FOXN3: variants seen among roughly 807,000 people sequenced by gnomAD.
The protein encoded by FOXN3 is forkhead box protein N3.
Under a neutral mutation model 38.4 loss-of-function variants are expected in FOXN3, and 7 were observed. That is an observed-to-expected ratio of 0.18 (90% CI 0.10 to 0.34). The LOEUF (loss-of-function observed/expected upper bound fraction) is 0.34. Ranked by LOEUF, FOXN3 falls within the 10% of genes least tolerant of loss-of-function variation. The pLI, the probability that FOXN3 is intolerant of heterozygous loss-of-function variation, is 1.00. For missense variants in FOXN3, 456 were observed against 613.4 expected (o/e 0.74, Z 2.71); for synonymous variants, 230 against 242.2 (o/e 0.95, Z 0.47).
chr14:89,489,187 CT>C (rs1474425903), intron 1 of FOXN3, among the ~76,000 whole-genome samples: 3 of 152,180 alleles, frequency 2.0e-5, no homozygotes, highest in Admixed American at 2.0e-4. Context: ...ACTAAACCCC[CT>C]GAACCTCAGT....
chr14:89,217,243 T>G (rs1244876002), intron 4 of FOXN3, among the ~76,000 whole-genome samples: 1 of 152,136 alleles, frequency 6.6e-6, no homozygotes, highest in African/African-American at 2.4e-5. Context: ...CAAGCAATCC[T>G]CCTGTCGCAT....
At chr14:89,450,604 T>C (rs375428710) in intron 1 of FOXN3, among the ~76,000 whole-genome samples, 2 of 144,068 alleles carry the variant, frequency 1.4e-5, no homozygotes, top group Admixed American at 1.4e-4. Flanking sequence ...TTTTTTTTTT[T>C]AGACAGAGTC....
Position 89,449,814 on chromosome 14 carries a change from C to T in FOXN3, c.-14-37324G>A, listed in dbSNP as rs544144306. Among the ~76,000 whole-genome samples the T allele has an allele frequency of 5.3e-5, 8 of 152,258 alleles. No individual in the cohort carries two copies. The East Asian group carries it at 1.5e-3, about 29-fold the overall frequency. ...CCTCCTCAACTGAAGGGGAGTTTTC[C>T]ATCAGGCAGCCTCTAGGAAGGGGGA... On this transcript the variant is annotated intron_variant, in intron 1 of 6. Coordinates refer to the FOXN3 transcript ENST00000345097.
chr14:89,377,765 C>G (rs1890527259), intron 2 of FOXN3, among the ~76,000 whole-genome samples: 3 of 152,204 alleles, frequency 2.0e-5, no homozygotes, highest in African/African-American at 7.2e-5. Context: ...ATGTTGAAAC[C>G]AATTCACGTG....
intron 3 of FOXN3, among the ~76,000 whole-genome samples, chr14:89,326,906 T>G (rs1346667109): frequency 2.6e-5 from 4 of 152,162 alleles, no homozygotes; most frequent in African/African-American, 9.7e-5. Flanking sequence ...ATTTATTGAG[T>G]GCTTCCCGTG....
rs979910168 is a variant in FOXN3, at chr14:89,484,578, C to A, written c.-14-72088G>T. The stretch of plus-strand genomic sequence containing the variant: ...GACAGGCGGCAGGCAGTATTTGGCC[C>A]CTGGGCCGACTGTGGTTTACCAACC... On this transcript the variant is annotated intron_variant, in intron 1 of 6. Coordinates refer to the FOXN3 transcript ENST00000345097. This position sits in a 1 kb window ranked among gnomAD's most constrained non-coding sequence, Gnocchi z 4.0. Among the ~76,000 whole-genome samples, 4 of 152,198 alleles carry A rather than the reference C, an allele frequency of 2.6e-5. No individual in the cohort carries two copies. The highest frequency in any genetic ancestry group is 9.7e-5 in the African/African-American group (4 of 41,444).
intron 1 of FOXN3, among the ~76,000 whole-genome samples, chr14:89,532,684 C>G (rs1894593925): frequency 6.6e-6 from 1 of 152,126 alleles, no homozygotes. Context: ...ATGATATTGG[C>G]AAGTTGATTT....
intron 1 of FOXN3, among the ~76,000 whole-genome samples, chr14:89,514,856 G>A (rs529753128): frequency 1.3e-5 from 2 of 151,928 alleles, no homozygotes; most frequent in East Asian, 1.9e-4. Context: ...TAAATTGATC[G>A]CCATCTGTGT....
intron 4 of FOXN3, among the ~76,000 whole-genome samples, chr14:89,242,289 T>C (rs1885163625): frequency 6.9e-6 from 1 of 145,732 alleles, no homozygotes; most frequent in African/African-American, 2.6e-5. Context: ...CCCACAGTAC[T>C]TCCTCCAATA....
At chr14:89,434,099 AT>A (rs1892223485) in intron 1 of FOXN3, among the ~76,000 whole-genome samples, 1 of 137,942 alleles carries the variant, frequency 7.2e-6, no homozygotes. Context: ...AATTTTAGGT[AT>A]TTTTAGTAGA....
intron 3 of FOXN3, among the ~76,000 whole-genome samples, chr14:89,331,448 C>T (rs747846284): frequency 9.2e-5 from 14 of 151,796 alleles, no homozygotes; most frequent in Non-Finnish European, 1.6e-4. Context: ...TCATCCACCA[C>T]CTGCTGATGG....
At chr14:89,343,704 TA>T (rs368427741) in intron 3 of FOXN3, among the ~76,000 whole-genome samples, 1 of 139,724 alleles carries the variant, frequency 7.2e-6, no homozygotes, top group African/African-American at 2.7e-5. Context: ...AGGAGAAGCT[TA>T]AATGTCTGGA....
At chr14:89,522,655 A>G (rs991760911) in intron 1 of FOXN3, among the ~76,000 whole-genome samples, 6 of 152,094 alleles carry the variant, frequency 3.9e-5, no homozygotes, top group African/African-American at 1.2e-4. Flanking sequence ...TTAATATAAT[A>G]TAGTTCAAAG....
At position 89,273,800 on chromosome 14, in the gene FOXN3, T is replaced by C. The variant is rs544262551; in HGVS notation, c.745+7150A>G. ...GTTACAGAAATATCTTTACAAATAA[T>C]GCAGTGCAGAACAATAAGACAAATG... On this transcript the variant is annotated intron_variant, in intron 4 of 5. Coordinates refer to ENST00000557258, the MANE Select transcript of FOXN3 (RefSeq NM_005197.4). 5.9e-5 allele frequency among the ~76,000 whole-genome samples: 9 copies of C among 152,256 alleles called. 1 individual carries two copies. In the East Asian group the frequency reaches 1.2e-3, roughly 20 times the overall value.
At chr14:89,242,230 T>C (rs1411736241) in intron 4 of FOXN3, among the ~76,000 whole-genome samples, 4 of 152,160 alleles carry the variant, frequency 2.6e-5, no homozygotes, top group African/African-American at 9.7e-5. Flanking sequence ...GGTTCCAGTC[T>C]TGATGACCGC....
At chr14:89,329,811 G>A (rs1328340193) in intron 3 of FOXN3, among the ~76,000 whole-genome samples, 5 of 136,206 alleles carry the variant, frequency 3.7e-5, no homozygotes, top group African/African-American at 1.4e-4. Flanking sequence ...AGCCGAGATC[G>A]TGCCACTGCA....
chr14:89,479,946 T>C (rs1456409435), intron 1 of FOXN3, among the ~76,000 whole-genome samples: 1 of 152,192 alleles, frequency 6.6e-6, no homozygotes, highest in African/African-American at 2.4e-5. Context: ...TGTTTTAATA[T>C]TTGGGCTCCA....
chr14:89,581,718 A>T (rs1468492573), intron 1 of FOXN3, among the ~76,000 whole-genome samples: 1 of 152,070 alleles, frequency 6.6e-6, no homozygotes, highest in Non-Finnish European at 1.5e-5. Flanking sequence ...ATTCTCTTAT[A>T]CCACAGGACA....
chr14:89,602,022 AAT>A (rs747098185), intron 1 of FOXN3, among the ~76,000 whole-genome samples: 1 of 152,164 alleles, frequency 6.6e-6, no homozygotes, highest in Non-Finnish European at 1.5e-5. Flanking sequence ...GGTCCCTTCT[AAT>A]CCCCTTCAGG....
Sources: allele counts gnomAD v4.1 joint callset (sites outside exome capture counted in the v4.1 genomes callset), GRCh38; gene constraint gnomAD v4.1.1; non-coding constraint Gnocchi (gnomAD v3.1); transcripts MANE v1.5; gene names NCBI Gene and HGNC (gene_info 2026-07-23, HGNC 2026-07-21).